The following ZFHX3 variants were observed in gnomAD, a reference collection of about 807,000 sequenced individuals.
The protein encoded by ZFHX3 is zinc finger homeobox protein 3.
Under a neutral mutation model 279.1 loss-of-function variants are expected in ZFHX3, and 42 were observed. That is an observed-to-expected ratio of 0.15 (90% CI 0.12 to 0.19). ZFHX3 has a LOEUF of 0.19. Among genes scored for constraint, ZFHX3 ranks in the 10% least tolerant of loss-of-function variants. The pLI is 1.00. For missense variants in ZFHX3, 4,981 were observed against 4,754.0 expected (o/e 1.05, Z -1.40); for synonymous variants, 2,293 against 1,957.8 (o/e 1.17, Z -4.52).
chr16:72,796,226 G>A lies in ZFHX3; in HGVS notation c.6456C>T (p.Ile2152=). 1 of 1,614,130 alleles carries A rather than the reference G, an allele frequency of 6.2e-7. No homozygotes were observed. Among genetic ancestry groups the A allele is most frequent in the African/African-American group, 1.3e-5 (1 of 75,010 alleles). ...GCAAGACTCGGAGCTGATCATCTGTGATCCTGGTGCGAGGCCTCTTGTTCT... is the reference window on the plus strand; with the variant it reads ...GCAAGACTCGGAGCTGATCATCTGTAATCCTGGTGCGAGGCCTCTTGTTCT... The part of the protein sequence containing the change: ...QQQNKRPRTR[I]TDDQLRVLRQ... The change falls in exon 9 of 10, where the codon ATC becomes ATT. Residue 2152 remains isoleucine, a synonymous_variant. Transcript: ENST00000268489.
At chr16:73,333,376 A>T (rs1258143591) in intron 3 of ZFHX3, among the ~76,000 whole-genome samples, 2 of 152,204 alleles carry the variant, frequency 1.3e-5, no homozygotes, top group African/African-American at 4.8e-5. Context: ...CATAATAGAC[A>T]GAAAGATACA....
Position 72,959,934 on chromosome 16 carries a change from G to T in ZFHX3, c.212C>A (p.Pro71His), listed in dbSNP as rs374747520. 3.8e-5 allele frequency: 61 copies of T among 1,600,162 alleles called. No homozygotes were observed. Among genetic ancestry groups the T allele is most frequent in the South Asian group, 1.0e-4 (9 of 88,972 alleles). The change falls in exon 2 of 10, where the codon CCC becomes CAC. Residue 71 changes from proline (P) to histidine (H), a missense_variant. This residue lies in a region of ZFHX3 where 1,068 missense variants were observed against 935.2 expected (regional missense o/e 1.14). Transcript: ENST00000268489. ...GACCTCCTTGCTGGCGGGCTCGGAGGGGGGCCCGGCCGACGCGGTGCTCTC... is the reference window on the plus strand; with the variant it reads ...GACCTCCTTGCTGGCGGGCTCGGAGTGGGGCCCGGCCGACGCGGTGCTCTC... Reference protein sequence around the residue: ...LAESTASAGPPSEPASKEVTC... With the variant: ...LAESTASAGPHSEPASKEVTC...
intron 2 of ZFHX3, among the ~76,000 whole-genome samples, chr16:73,511,735 G>T (rs896803451): frequency 1.4e-4 from 21 of 152,112 alleles, no homozygotes; most frequent in Non-Finnish European, 2.2e-4. Context: ...AGGGTAGAAG[G>T]GTGGCAAAGG....
At chr16:73,529,644 A>C (rs1275242954) in intron 2 of ZFHX3, among the ~76,000 whole-genome samples, 3 of 152,224 alleles carry the variant, frequency 2.0e-5, no homozygotes, top group African/African-American at 7.2e-5. Context: ...CAGAATCTAA[A>C]GAATAATTCC....
At chr16:73,486,744 T>C (rs1197938455) in intron 2 of ZFHX3, 3 of 452,880 alleles carry the variant, frequency 6.6e-6, no homozygotes, top group Non-Finnish European at 1.3e-5. Context: ...TCATTTTTTT[T>C]TCTCTTCAGG....
At chr16:73,038,233 C>A (rs565356363) in intron 1 of ZFHX3, among the ~76,000 whole-genome samples, 2 of 152,338 alleles carry the variant, frequency 1.3e-5, no homozygotes, top group East Asian at 1.9e-4. Context: ...CCCCCACCCC[C>A]CCAACTATCC....
intron 4 of ZFHX3, among the ~76,000 whole-genome samples, chr16:72,878,948 T>C (rs967306639): frequency 6.6e-6 from 1 of 152,122 alleles, no homozygotes; most frequent in Non-Finnish European, 1.5e-5. Flanking sequence ...ACATCCAAGA[T>C]TGCCAGGAAG....
chr16:73,114,229 C>T (rs375258099), intron 7 of ZFHX3, among the ~76,000 whole-genome samples: 44 of 152,152 alleles, frequency 2.9e-4, no homozygotes, highest in East Asian at 2.1e-3. Flanking sequence ...TGGCTGGAAA[C>T]TTTCAAGGGA....
At chr16:73,355,197 G>A (rs556001147) in intron 3 of ZFHX3, among the ~76,000 whole-genome samples, 118 of 152,300 alleles carry the variant, frequency 7.7e-4, no homozygotes, top group African/African-American at 2.7e-3. Context: ...CAGAGGAACA[G>A]AGCTGGGCTC....
At chr16:73,869,541 G>GA (rs1299165919) in intron 1 of ZFHX3, among the ~76,000 whole-genome samples, 74 of 152,338 alleles carry the variant, frequency 4.9e-4, no homozygotes, top group African/African-American at 1.7e-3. Flanking sequence ...AAATGCTTTA[G>GA]AAAACGCAGG....
At chr16:73,098,523 G>A (rs909682522) in intron 7 of ZFHX3, among the ~76,000 whole-genome samples, 20 of 151,948 alleles carry the variant, frequency 1.3e-4, no homozygotes, top group Non-Finnish European at 2.1e-4. Flanking sequence ...CACCACACCC[G>A]GATAATTTTT....
At chr16:73,647,766 C>A (rs577239715) in intron 2 of ZFHX3, among the ~76,000 whole-genome samples, 32 of 152,178 alleles carry the variant, frequency 2.1e-4, no homozygotes, top group Admixed American at 7.8e-4. Flanking sequence ...GAAGAAAATT[C>A]TATGCCTACT....
intron 1 of ZFHX3, among the ~76,000 whole-genome samples, chr16:73,803,609 T>C (rs2063507): frequency 0.015 from 2,220 of 152,330 alleles, 51 homozygotes; most frequent in African/African-American, 0.05. Flanking sequence ...TTGAATGTTA[T>C]GTTTGAAAAA....
At chr16:73,092,871 A>T in intron 8 of ZFHX3, 1 of 515,860 alleles carries the variant, frequency 1.9e-6, no homozygotes, top group Non-Finnish European at 3.9e-6. Flanking sequence ...GACAACAGTA[A>T]ATCTGAGAGG....
At chr16:72,914,975 A>T (rs984521589) in intron 3 of ZFHX3, among the ~76,000 whole-genome samples, 1 of 152,190 alleles carries the variant, frequency 6.6e-6, no homozygotes, top group Non-Finnish European at 1.5e-5. Flanking sequence ...TGGGCGACAG[A>T]GTGAGACTCC....
At chr16:73,728,842 CACACAA>C (rs1238424290) in intron 1 of ZFHX3, among the ~76,000 whole-genome samples, 2 of 150,126 alleles carry the variant, frequency 1.3e-5, no homozygotes, top group African/African-American at 2.5e-5. Context: ...CACACACACA[CACACAA>C]GTGTAACTGC....
At chr16:72,955,770 C>A (rs939799533) in intron 2 of ZFHX3, among the ~76,000 whole-genome samples, 5 of 91,640 alleles carry the variant, frequency 5.5e-5, no homozygotes, top group African/African-American at 1.6e-4. Flanking sequence ...GAGCGAGACT[C>A]TGTCTCAAAA....
intron 2 of ZFHX3, among the ~76,000 whole-genome samples, chr16:73,587,105 A>G (rs189411419): frequency 6.6e-6 from 1 of 152,304 alleles, no homozygotes; most frequent in African/African-American, 2.4e-5. Flanking sequence ...TGGTTCTTCA[A>G]AAATTATATT....
intron 2 of ZFHX3, among the ~76,000 whole-genome samples, chr16:73,598,595 T>G (rs1216288138): frequency 6.6e-6 from 1 of 151,852 alleles, no homozygotes; most frequent in East Asian, 1.9e-4. Flanking sequence ...TTTTTAAAAT[T>G]TTTTTGTAGA....
Sources: allele counts gnomAD v4.1 joint callset (sites outside exome capture counted in the v4.1 genomes callset), GRCh38; gene constraint gnomAD v4.1.1; regional missense constraint gnomAD v4.1.1; transcripts MANE v1.5; gene names NCBI Gene and HGNC (gene_info 2026-07-23, HGNC 2026-07-21).